CSMD3: variants seen among roughly 807,000 people sequenced by gnomAD.
CSMD3 encodes CUB and sushi domain-containing protein 3.
In CSMD3, 177 loss-of-function variants were observed where a neutral mutation model predicts 435.2. The observed-to-expected ratio is 0.41, with a 90% CI of 0.36 to 0.46. CSMD3 has a LOEUF of 0.46. Among genes scored for constraint, CSMD3 ranks in the 20% least tolerant of loss-of-function variants. The pLI, the probability that CSMD3 is intolerant of heterozygous loss-of-function variation, is 0.34. For missense variants in CSMD3, 4,265 were observed against 4,504.6 expected (o/e 0.95, Z 1.52); for synonymous variants, 1,656 against 1,520.5 (o/e 1.09, Z -2.07).
Position 112,740,535 on chromosome 8 carries a change from G to C in CSMD3, c.1973-50485C>G, listed in dbSNP as rs377528848. 2.7e-4 allele frequency among the ~76,000 whole-genome samples: 41 copies of C among 151,790 alleles called. 1 individual carries two copies. Among genetic ancestry groups the C allele is most frequent in the African/African-American group, 9.4e-4 (39 of 41,462 alleles). Reference sequence around the variant, plus strand: ...ATACACACCTAAACAAAAACACTTAGTAACATTTTAAAAGTGACTTTATTG... The same window carrying C: ...ATACACACCTAAACAAAAACACTTACTAACATTTTAAAAGTGACTTTATTG... On this transcript the variant is annotated intron_variant, in intron 13 of 70. Coordinates refer to ENST00000297405, the MANE Select transcript of CSMD3 (RefSeq NM_198123.2).
intron 31 of CSMD3, among the ~76,000 whole-genome samples, chr8:112,475,325 A>G (rs1423372657): frequency 6.6e-6 from 1 of 152,166 alleles, no homozygotes; most frequent in East Asian, 1.9e-4. Context: ...TTTTATTAAA[A>G]ATCATATTTA....
At chr8:112,955,806 G>T (rs1468967160) in intron 7 of CSMD3, among the ~76,000 whole-genome samples, 8 of 151,616 alleles carry the variant, frequency 5.3e-5, no homozygotes, top group Admixed American at 5.3e-4. Flanking sequence ...TAAATGTTAT[G>T]CAATTAGGTT....
chr8:112,662,090 C>A (rs113397997), intron 17 of CSMD3, among the ~76,000 whole-genome samples: 3 of 152,086 alleles, frequency 2.0e-5, no homozygotes, highest in African/African-American at 7.2e-5. Flanking sequence ...AAAATGGCCA[C>A]ACTGCCCAAG....
chr8:112,556,189 C>T (rs2131220662), intron 25 of CSMD3, among the ~76,000 whole-genome samples: 1 of 151,780 alleles, frequency 6.6e-6, no homozygotes, highest in South Asian at 2.1e-4. Flanking sequence ...CCCATCTATG[C>T]ATTAACTAAT....
chr8:113,315,306 T>C (rs1289579159), intron 1 of CSMD3, among the ~76,000 whole-genome samples: 2 of 152,276 alleles, frequency 1.3e-5, no homozygotes, highest in East Asian at 1.9e-4. Context: ...ACCCTGATTA[T>C]AGAAGAGGAA....
At chr8:113,076,169 A>G (rs531844630) in intron 5 of CSMD3, among the ~76,000 whole-genome samples, 5 of 151,568 alleles carry the variant, frequency 3.3e-5, no homozygotes, top group South Asian at 2.1e-4. Flanking sequence ...AACTGGTCCA[A>G]TTAGAATTCA....
chr8:113,318,544 C>T (rs976962521), intron 1 of CSMD3, among the ~76,000 whole-genome samples: 3 of 151,988 alleles, frequency 2.0e-5, no homozygotes, highest in African/African-American at 7.2e-5. Flanking sequence ...TCCTACATAC[C>T]TGCTATATGA....
intron 63 of CSMD3, among the ~76,000 whole-genome samples, chr8:112,251,206 C>T (rs1026436308): frequency 6.6e-6 from 1 of 151,552 alleles, no homozygotes; most frequent in African/African-American, 2.4e-5. Flanking sequence ...AACGTATATG[C>T]TTCTTTTGCA....
At chr8:112,245,630 G>T (rs10808452) in intron 64 of CSMD3, among the ~76,000 whole-genome samples, 100,485 of 151,794 alleles carry the variant, frequency 0.66, 34,986 homozygotes, top group African/African-American at 0.88. Context: ...CTCCACCTCC[G>T]GGGTTCAAGC....
chr8:112,518,764 C>T (rs1005192117), intron 27 of CSMD3, among the ~76,000 whole-genome samples: 1 of 151,760 alleles, frequency 6.6e-6, no homozygotes, highest in Admixed American at 6.6e-5. Context: ...AAATAACTAC[C>T]TGGGAATGGG....
chr8:112,509,337 C>G (rs1822860093), intron 28 of CSMD3, among the ~76,000 whole-genome samples: 1 of 152,122 alleles, frequency 6.6e-6, no homozygotes, highest in Admixed American at 6.5e-5. Flanking sequence ...GATGGGCCCA[C>G]CTCAAGCCTC....
At chr8:112,427,147 C>T (rs1416403661) in intron 32 of CSMD3, among the ~76,000 whole-genome samples, 2 of 152,146 alleles carry the variant, frequency 1.3e-5, no homozygotes, top group African/African-American at 4.8e-5. Context: ...TTGAAGGAGG[C>T]AACACAGAGT....
At chr8:112,387,439 G>A (rs1830069240) in intron 36 of CSMD3, among the ~76,000 whole-genome samples, 1 of 149,364 alleles carries the variant, frequency 6.7e-6, no homozygotes, top group African/African-American at 2.5e-5. Context: ...TAAATTTAAT[G>A]AAGTTTCAAA....
intron 32 of CSMD3, among the ~76,000 whole-genome samples, chr8:112,457,023 T>C (rs1188138549): frequency 6.6e-6 from 1 of 152,130 alleles, no homozygotes; most frequent in Non-Finnish European, 1.5e-5. Flanking sequence ...CTGATTTATA[T>C]GTCATGAGAT....
In CSMD3 at chr8:112,550,808, G is replaced by A. The variant is rs148618668; in HGVS notation, c.4427C>T (p.Pro1476Leu). Reference protein sequence around the residue: ...HDILRVWDGPPENDMLLKEIS... With the variant: ...HDILRVWDGPLENDMLLKEIS... The stretch of plus-strand genomic sequence containing the variant: ...TTCCTTTAAAAGCATATCATTTTCT[G>A]GTGGACCGTCCCAGACTCGGAGTAT... Residue 1476 changes from proline to leucine, a missense_variant, in exon 27 of 71, where the codon CCA becomes CTA. Around this residue, in one of 3 missense-constraint regions of CSMD3, gnomAD observed 3,255 missense variants for 3,380.2 expected, o/e 0.96. Transcript: ENST00000297405. The A allele has an allele frequency of 3.0e-5, 49 of 1,611,420 alleles. No individual in the cohort carries two copies. Among genetic ancestry groups the A allele is most frequent in the Non-Finnish European group, 4.1e-5 (48 of 1,178,036 alleles).
At chr8:112,572,901 A>G (rs1028587972) in intron 24 of CSMD3, among the ~76,000 whole-genome samples, 1 of 64,778 alleles carries the variant, frequency 1.5e-5, no homozygotes, top group Non-Finnish European at 2.9e-5. Flanking sequence ...TTTAATTCAT[A>G]TAACAATTGA....
intron 3 of CSMD3, among the ~76,000 whole-genome samples, chr8:113,235,410 T>G (rs1333579985): frequency 6.6e-6 from 1 of 152,124 alleles, no homozygotes; most frequent in Non-Finnish European, 1.5e-5. Context: ...TCCATAGTCA[T>G]AGCCAGACCT....
At chr8:112,797,663 G>A (rs2078860146) in intron 13 of CSMD3, among the ~76,000 whole-genome samples, 1 of 151,666 alleles carries the variant, frequency 6.6e-6, no homozygotes, top group African/African-American at 2.4e-5. Flanking sequence ...GTTCCATTTA[G>A]AACCAACACA....
At chr8:113,205,104 C>T (rs2092756525) in intron 3 of CSMD3, among the ~76,000 whole-genome samples, 1 of 152,056 alleles carries the variant, frequency 6.6e-6, no homozygotes, top group African/African-American at 2.4e-5. Context: ...ATGCCTCAGC[C>T]TCCCAAGTAG....
Sources: gnomAD v4.1 joint callset for allele counts (sites outside exome capture counted in the v4.1 genomes callset) on GRCh38, gnomAD v4.1.1 for gene constraint, gnomAD v4.1.1 regional missense constraint, MANE v1.5 for transcripts, NCBI Gene and HGNC (gene_info 2026-07-23, HGNC 2026-07-21) for gene names.